The following TTC39B variants were observed in gnomAD, a reference collection of about 807,000 sequenced individuals.
The protein encoded by TTC39B is tetratricopeptide repeat domain 39B, also known as tetratricopeptide repeat protein 39B.
A neutral mutation model predicts 96.6 loss-of-function variants in TTC39B; 92 were observed. The observed-to-expected ratio is 0.95, with a 90% CI of 0.80 to 1.13. TTC39B has a LOEUF of 1.13. Among genes scored for constraint, TTC39B ranks in the 50% most tolerant of loss-of-function variants. The pLI is 0.00. For synonymous variants in TTC39B, 367 were observed against 299.4 expected (o/e 1.23, Z -2.33); for missense variants, 955 against 809.3 (o/e 1.18, Z -2.18).
At chr9:15,249,249 T>G (rs1822422079) in intron 2 of TTC39B, 1 of 152,098 alleles carries the variant, frequency 6.6e-6, no homozygotes, top group South Asian at 2.1e-4. Context: ...AGGGTCTGCG[T>G]CACACACACA....
At chr9:15,278,212 G>A (rs998639758) in intron 1 of TTC39B, among the ~76,000 whole-genome samples, 1 of 152,036 alleles carries the variant, frequency 6.6e-6, no homozygotes, top group Non-Finnish European at 1.5e-5. Flanking sequence ...AAGAAAAATC[G>A]TGTATATAGT....
At chr9:15,198,814 T>G (rs1819341795) in intron 8 of TTC39B, among the ~76,000 whole-genome samples, 1 of 151,986 alleles carries the variant, frequency 6.6e-6, no homozygotes, top group Admixed American at 6.5e-5. Context: ...AAATACAATT[T>G]AAATATGAAA....
chr9:15,214,770 C>A (rs1820416867), intron 3 of TTC39B, among the ~76,000 whole-genome samples: 1 of 152,020 alleles, frequency 6.6e-6, no homozygotes, highest in South Asian at 2.1e-4. Flanking sequence ...TAAATAAAAT[C>A]CTTAACATGT....
chr9:15,225,845 CA>C, intron 3 of TTC39B, 71 bp downstream of exon 3: 1 of 1,374,954 alleles, frequency 7.3e-7, no homozygotes, highest in Non-Finnish European at 1.0e-6. Context: ...ATGCAAATAT[CA>C]GTATTATATT....
intron 4 of TTC39B, among the ~76,000 whole-genome samples, chr9:15,212,845 C>G (rs1231863773): frequency 6.6e-6 from 1 of 152,000 alleles, no homozygotes; most frequent in Non-Finnish European, 1.5e-5. Context: ...GAATAAAAAT[C>G]AAAGGAGATA....
chr9:15,168,419 C>CAAAAAAAAAAAAA (rs58738481), exon 20 of TTC39B: 15 of 128,058 alleles, frequency 1.2e-4, no homozygotes, highest in East Asian at 4.4e-4. Context: ...AGTATAAATA[C>CAAAAAAAAAAAAA]AAAAAAAAAA....
At chr9:15,237,958 C>T (rs996224315) in intron 2 of TTC39B, among the ~76,000 whole-genome samples, 1 of 152,172 alleles carries the variant, frequency 6.6e-6, no homozygotes, top group African/African-American at 2.4e-5. Context: ...GAGCTTTATT[C>T]CAGGTATGCA....
intron 2 of TTC39B, among the ~76,000 whole-genome samples, chr9:15,251,733 A>ATATT (rs1444037228): frequency 3.2e-5 from 4 of 124,390 alleles, no homozygotes; most frequent in Admixed American, 2.4e-4. Flanking sequence ...ATATATATAT[A>ATATT]TATGTAGTAT....
intron 2 of TTC39B, among the ~76,000 whole-genome samples, chr9:15,236,403 T>C (rs1305269240): frequency 6.6e-6 from 1 of 152,194 alleles, no homozygotes; most frequent in Non-Finnish European, 1.5e-5. Flanking sequence ...CTGACATCAC[T>C]AGACAGATCA....
intron 1 of TTC39B, among the ~76,000 whole-genome samples, chr9:15,280,920 C>A (rs1823738428): frequency 6.6e-6 from 1 of 152,134 alleles, no homozygotes; most frequent in African/African-American, 2.4e-5. Context: ...AGTCTCATCA[C>A]AGTGCTTCCC....
At chr9:15,212,608 GTAGA>G (rs1667504090) in intron 4 of TTC39B, among the ~76,000 whole-genome samples, 2 of 152,090 alleles carry the variant, frequency 1.3e-5, no homozygotes, top group African/African-American at 2.4e-5. Flanking sequence ...TGTATTTTTA[GTAGA>G]GACAGGGTTT....
In TTC39B at chr9:15,199,268, T is replaced by G. The variant is rs542394255; in HGVS notation, c.824+593A>C. Among the ~76,000 whole-genome samples, 20 of 152,328 alleles carry G rather than the reference T, an allele frequency of 1.3e-4. No individual in the cohort carries two copies. The South Asian group carries it at 3.3e-3, about 25-fold the overall frequency. ...CAAAGATATTACTATAATTTTAAAT[T>G]TATAAACTGTTCTAAGGAGAGAGAA... On this transcript the variant is annotated intron_variant, in intron 8 of 19. Coordinates refer to ENST00000512701, the Ensembl canonical transcript of TTC39B.
chr9:15,227,965 A>G (rs562393545), intron 2 of TTC39B, among the ~76,000 whole-genome samples: 15 of 152,262 alleles, frequency 9.9e-5, no homozygotes, highest in South Asian at 2.1e-4. Flanking sequence ...TTACTTTTTA[A>G]TATGTTATAT....
chr9:15,260,037 A>C (rs1822889884), intron 2 of TTC39B, among the ~76,000 whole-genome samples: 1 of 152,150 alleles, frequency 6.6e-6, no homozygotes, highest in Non-Finnish European at 1.5e-5. Context: ...AATTCTGTAA[A>C]TACATTAAAA....
chr9:15,295,360 A>C (rs187434291), intron 1 of TTC39B, among the ~76,000 whole-genome samples: 1 of 152,322 alleles, frequency 6.6e-6, no homozygotes, highest in East Asian at 1.9e-4. Flanking sequence ...GGCAGGCTGC[A>C]TTTAACCTCT....
At chr9:15,222,711 G>A (rs1229095423) in intron 3 of TTC39B, among the ~76,000 whole-genome samples, 1 of 152,102 alleles carries the variant, frequency 6.6e-6, no homozygotes, top group African/African-American at 2.4e-5. Flanking sequence ...ATCTAGGCTT[G>A]GTAAGTGAAC....
exon 20 of TTC39B, chr9:15,171,045 C>A (rs1439063263): frequency 2.0e-5 from 3 of 152,144 alleles, no homozygotes; most frequent in Admixed American, 6.5e-5. Context: ...AGAACCAGGA[C>A]CATATGGAGT....
chr9:15,293,238 G>A (rs1485030828), intron 1 of TTC39B, among the ~76,000 whole-genome samples: 1 of 152,168 alleles, frequency 6.6e-6, no homozygotes, highest in South Asian at 2.1e-4. Context: ...GAGAGCCTAG[G>A]TGTGTAGTAG....
exon 20 of TTC39B, chr9:15,165,395 T>C (rs1005176554): frequency 6.6e-6 from 1 of 152,030 alleles, no homozygotes; most frequent in Admixed American, 6.6e-5. Context: ...ATCCCCAAAA[T>C]TGCTACCTGG....
Sources: gnomAD v4.1 joint callset for allele counts (sites outside exome capture counted in the v4.1 genomes callset) on GRCh38, gnomAD v4.1.1 for gene constraint, MANE v1.5 for transcripts, NCBI Gene and HGNC (gene_info 2026-07-23, HGNC 2026-07-21) for gene names.